The following FYN variants were observed in gnomAD, a reference collection of about 807,000 sequenced individuals.
FYN encodes FYN proto-oncogene, Src family tyrosine kinase.
A neutral mutation model predicts 70.2 loss-of-function variants in FYN; 10 were observed. The ratio of observed to expected loss-of-function variants is 0.14; its 90% CI spans 0.09 to 0.24. The LOEUF is 0.24. Ranked by LOEUF, FYN falls within the 10% of genes least tolerant of loss-of-function variation. The pLI, the probability that FYN is intolerant of heterozygous loss-of-function variation, is 1.00. For synonymous variants in FYN, 236 were observed against 248.6 expected, an observed-to-expected ratio of 0.95 and a Z score of 0.48; for missense variants, 319 against 673.1, an observed-to-expected ratio of 0.47 and a Z score of 5.82.
intron 12 of FYN, among the ~76,000 whole-genome samples, chr6:111,684,585 A>G (rs1041848051): frequency 2.6e-5 from 4 of 152,186 alleles, no homozygotes; most frequent in African/African-American, 9.7e-5. Flanking sequence ...AGGCTACCAG[A>G]AGGTAAACTG....
At chr6:111,781,562 G>A (rs1771173215) in intron 2 of FYN, among the ~76,000 whole-genome samples, 1 of 152,232 alleles carries the variant, frequency 6.6e-6, no homozygotes, top group African/African-American at 2.4e-5. Flanking sequence ...TGGCACTCAA[G>A]CTCACCCCAG....
intron 5 of FYN, among the ~76,000 whole-genome samples, chr6:111,709,935 G>A (rs1396084701): frequency 6.6e-6 from 1 of 152,170 alleles, no homozygotes; most frequent in Non-Finnish European, 1.5e-5. Context: ...CAGTTGTAAG[G>A]ATATCATCTA....
At chr6:111,743,357 C>T (rs1363673756) in intron 3 of FYN, among the ~76,000 whole-genome samples, 1 of 152,208 alleles carries the variant, frequency 6.6e-6, no homozygotes, top group Admixed American at 6.5e-5. Flanking sequence ...GTATTTCTTA[C>T]TTTACATCAT....
intron 3 of FYN, among the ~76,000 whole-genome samples, chr6:111,741,273 A>C (rs891292855): frequency 6.6e-6 from 1 of 152,174 alleles, no homozygotes; most frequent in African/African-American, 2.4e-5. Flanking sequence ...CATGAGAAAG[A>C]AAGCTCAATG....
intron 3 of FYN, among the ~76,000 whole-genome samples, chr6:111,745,738 T>C (rs1036552906): frequency 6.6e-6 from 1 of 152,252 alleles, no homozygotes; most frequent in Non-Finnish European, 1.5e-5. Context: ...GATTTAAAAT[T>C]TGATGTAAAC....
intron 1 of FYN, among the ~76,000 whole-genome samples, chr6:111,854,002 T>C (rs1016321488): frequency 6.6e-5 from 10 of 152,204 alleles, no homozygotes; most frequent in Admixed American, 6.5e-5. Flanking sequence ...TCTACCCAGG[T>C]TGACAGTGTC....
chr6:111,764,216 C>CCAAAA (rs1554286109), intron 3 of FYN, among the ~76,000 whole-genome samples: 19 of 58,386 alleles, frequency 3.3e-4, no homozygotes, highest in African/African-American at 1.6e-3. Context: ...TTTTGTCAAG[C>CCAAAA]AAAAAAAAAA....
intron 3 of FYN, among the ~76,000 whole-genome samples, chr6:111,772,694 A>G (rs1227997171): frequency 6.6e-6 from 1 of 152,222 alleles, no homozygotes; most frequent in Non-Finnish European, 1.5e-5. Flanking sequence ...ATGCTAAACA[A>G]TGCTGTGAAG....
intron 2 of FYN, among the ~76,000 whole-genome samples, chr6:111,812,206 A>T (rs1169424694): frequency 1.3e-5 from 2 of 152,202 alleles, no homozygotes; most frequent in African/African-American, 4.8e-5. Context: ...TAAGTGAATG[A>T]GGGCACTCGG....
At position 111,795,508 on chromosome 6, in the gene FYN, C is replaced by A. The variant is rs557515074; in HGVS notation, c.-81-14873G>T. On this transcript the variant is annotated intron_variant, in intron 2 of 13. Coordinates refer to ENST00000354650, the MANE Select transcript of FYN (RefSeq NM_002037.5). The stretch of plus-strand genomic sequence containing the variant: ...CCATAGCAAATTAGTACAGGAATCA[C>A]ACAGAGCATTATTTTGTGGAGTTTT... 7.3e-4 allele frequency among the ~76,000 whole-genome samples: 111 copies of A among 152,280 alleles called. 1 individual carries two copies. Among genetic ancestry groups the A allele is most frequent in the Middle Eastern group, 3.4e-3 (1 of 294 alleles).
intron 3 of FYN, among the ~76,000 whole-genome samples, chr6:111,761,306 T>C (rs1171677187): frequency 2.0e-5 from 3 of 152,218 alleles, no homozygotes; most frequent in Non-Finnish European, 4.4e-5. Flanking sequence ...ATGATGCCGA[T>C]GAGATTCATT....
intron 3 of FYN, among the ~76,000 whole-genome samples, chr6:111,735,145 T>C (rs1801653263): frequency 6.6e-6 from 1 of 152,174 alleles, no homozygotes; most frequent in Non-Finnish European, 1.5e-5. Context: ...GAACCGTAAG[T>C]GTTCTTACGG....
intron 2 of FYN, 28 bp downstream of exon 2, chr6:111,846,561 G>T (rs552895549): frequency 2.2e-4 from 86 of 398,886 alleles, no homozygotes; most frequent in Non-Finnish European, 3.5e-4. Flanking sequence ...CAAGGCACTT[G>T]CTCTCAGTGC....
At chr6:111,675,088 G>A (rs13192832) in intron 12 of FYN, among the ~76,000 whole-genome samples, 52,146 of 151,864 alleles carry the variant, frequency 0.34, 10,825 homozygotes, top group Middle Eastern at 0.48. Flanking sequence ...CTGCTGAAAT[G>A]TGTTAGATTT....
chr6:111,829,589 A>G (rs1772949068), intron 2 of FYN, among the ~76,000 whole-genome samples: 1 of 152,214 alleles, frequency 6.6e-6, no homozygotes, highest in African/African-American at 2.4e-5. Flanking sequence ...GAGCACTTCC[A>G]GTAGAGCAAA....
At chr6:111,731,119 C>T (rs1257570340) in intron 3 of FYN, among the ~76,000 whole-genome samples, 2 of 152,196 alleles carry the variant, frequency 1.3e-5, no homozygotes, top group African/African-American at 4.8e-5. Flanking sequence ...GAATGAAAGC[C>T]GAGGAGGTTC....
rs146358813 is a variant in FYN, at chr6:111,841,202, G to T, written c.-82+5387C>A. ...TGCCACCCCTGGAAGTCATTTTCACGCTTTCACAGGGCGACCACCTTGCAG... is the reference window on the plus strand; with the variant it reads ...TGCCACCCCTGGAAGTCATTTTCACTCTTTCACAGGGCGACCACCTTGCAG... On this transcript the variant is annotated intron_variant, in intron 2 of 13. Coordinates refer to ENST00000354650, the MANE Select transcript of FYN (RefSeq NM_002037.5). Among the ~76,000 whole-genome samples the T allele has an allele frequency of 3.7e-3, 561 of 152,278 alleles. 5 individuals carry two copies. The highest frequency in any genetic ancestry group is 0.013 in the African/African-American group (528 of 41,556).
chr6:111,764,216 C>CAAAAAAAAAAAAAAAAAAAAAAAAAAA (rs11409465), intron 3 of FYN, among the ~76,000 whole-genome samples: 14 of 58,366 alleles, frequency 2.4e-4, no homozygotes, highest in East Asian at 8.6e-4. Flanking sequence ...TTTTGTCAAG[C>CAAAAAAAAAAAAAAAAAAAAAAAAAAA]AAAAAAAAAA....
chr6:111,793,738 G>C (rs1771710924), intron 2 of FYN: 1 of 152,432 alleles, frequency 6.6e-6, no homozygotes, highest in Non-Finnish European at 1.5e-5. Context: ...TCCGGCTTCT[G>C]CTAGGTCCTC....
Sources: allele counts gnomAD v4.1 joint callset (sites outside exome capture counted in the v4.1 genomes callset), GRCh38; gene constraint gnomAD v4.1.1; transcripts MANE v1.5; gene names NCBI Gene and HGNC (gene_info 2026-07-23, HGNC 2026-07-21).